VPS13D: variants seen among roughly 807,000 people sequenced by gnomAD.
The protein encoded by VPS13D is vacuolar protein sorting 13 homolog D.
Under a neutral mutation model 461.9 loss-of-function variants are expected in VPS13D, and 187 were observed. The ratio of observed to expected loss-of-function variants is 0.40; its 90% CI spans 0.36 to 0.46. The LOEUF (loss-of-function observed/expected upper bound fraction) is 0.46. Ranked by LOEUF, VPS13D falls within the 20% of genes least tolerant of loss-of-function variation. The pLI is 0.60. For missense variants in VPS13D, 4,711 were observed against 5,364.9 expected, an observed-to-expected ratio of 0.88 and a Z score of 3.81; for synonymous variants, 1,951 against 1,986.3, an observed-to-expected ratio of 0.98 and a Z score of 0.47.
chr1:12,271,137 C>G lies in VPS13D; in HGVS notation c.2103+13C>G, dbSNP rs534858498. 109 of 1,613,842 alleles carry G rather than the reference C, an allele frequency of 6.8e-5. 3 individuals are homozygous for G. In the South Asian group the frequency reaches 1.2e-3, roughly 17 times the overall value. On this transcript the variant is annotated intron_variant, in intron 17 of 69. Coordinates refer to ENST00000620676, the MANE Select transcript of VPS13D (RefSeq NM_015378.4). ...GGGTGATTTCATTGTAAGTGGGCAT[C>G]CATAAACACTCTTTGGGGATTGGGG...
At chr1:12,358,651 C>A in intron 50 of VPS13D, 50 bp downstream of exon 50, 1 of 1,599,982 alleles carries the variant, frequency 6.3e-7, no homozygotes, top group Non-Finnish European at 8.5e-7. Flanking sequence ...GGCCGATGAC[C>A]TCAGGCTTGG....
chr1:12,369,602 G>C lies in VPS13D; in HGVS notation c.10708G>C (p.Gly3570Arg). 6.2e-7 allele frequency: 1 copy of C among 1,614,164 alleles called. No individual in the cohort carries two copies. The highest frequency in any genetic ancestry group is 8.5e-7 in the Non-Finnish European group (1 of 1,180,032). The change falls in exon 54 of 70, where the codon GGG (glycine) becomes CGG (arginine). Residue 3570 changes from glycine to arginine, a missense_variant. By Grantham distance (125) the Gly-to-Arg change is moderately radical (BLOSUM62 -2). Transcript: ENST00000620676. ...PFITLTVKGAGSSEINCNMND... is the reference protein window; with the variant it reads ...PFITLTVKGARSSEINCNMND... Reference sequence around the variant, plus strand: ...TATCACTCTGACTGTTAAAGGGGCAGGGTCCTCTGAGATCAACTGCAACAT... The same window carrying C: ...TATCACTCTGACTGTTAAAGGGGCACGGTCCTCTGAGATCAACTGCAACAT...
intron 65 of VPS13D, among the ~76,000 whole-genome samples, chr1:12,432,065 G>T (rs1051110174): frequency 2.0e-5 from 3 of 152,134 alleles, no homozygotes; most frequent in African/African-American, 7.2e-5. Flanking sequence ...TATGTTGTTA[G>T]AATTGTCATC....
In VPS13D at chr1:12,276,828, T is replaced by C; in HGVS notation, c.3240T>C (p.Ile1080=). The change falls in exon 19 of 70, where the codon ATT becomes ATC. Residue 1080 remains isoleucine, a synonymous_variant. Coordinates refer to ENST00000620676, the MANE Select transcript of VPS13D (RefSeq NM_015378.4). The surrounding 1 kb of genome is among the most constrained non-coding windows in gnomAD (Gnocchi z 4.5). ...TTACCAAAGAGCAAGAGTCCCTTATTAAGTTGGAATATCAGTTTGTGAGTT... is the reference window on the plus strand; with the variant it reads ...TTACCAAAGAGCAAGAGTCCCTTATCAAGTTGGAATATCAGTTTGTGAGTT... ...KILTKEQESL[I]KLEYQFVSSE... 1.2e-6 allele frequency: 2 copies of C among 1,614,152 alleles called. No homozygotes were observed. The highest frequency in any genetic ancestry group is 1.7e-6 in the Non-Finnish European group (2 of 1,180,034).
Position 12,415,193 on chromosome 1 carries a change from T to A in VPS13D, c.12137T>A (p.Ile4046Asn). 6.2e-7 allele frequency: 1 copy of A among 1,614,140 alleles called. No homozygotes were observed. Among genetic ancestry groups the A allele is most frequent in the Non-Finnish European group, 8.5e-7 (1 of 1,179,980 alleles). Residue 4046 changes from isoleucine to asparagine, a missense_variant, in exon 64 of 70, where the codon ATC becomes AAC. By Grantham distance (149) the Ile-to-Asn change is moderately radical. This residue lies in a region of VPS13D where 4,411 missense variants were observed against 4,937.8 expected (regional missense o/e 0.89). Transcript: ENST00000620676. Reference protein sequence around the residue: ...VHPYETKEFIINDILKHFQEE... With the variant: ...VHPYETKEFINNDILKHFQEE... ...CCCTATGAGACCAAGGAGTTCATCATCAATGATATCCTCAAACATTTCCAG... is the reference window on the plus strand; with the variant it reads ...CCCTATGAGACCAAGGAGTTCATCAACAATGATATCCTCAAACATTTCCAG...
At chr1:12,354,604 C>T (rs1445173573) in intron 47 of VPS13D, among the ~76,000 whole-genome samples, 1 of 152,194 alleles carries the variant, frequency 6.6e-6, no homozygotes, top group Non-Finnish European at 1.5e-5. Context: ...AGAGGAGGCA[C>T]TCAACAGAGC....
chr1:12,264,718 G>T (rs1413829239), intron 13 of VPS13D, among the ~76,000 whole-genome samples: 1 of 152,254 alleles, frequency 6.6e-6, no homozygotes, highest in Non-Finnish European at 1.5e-5. Context: ...TAACATAAAA[G>T]TGCAAGGTGA....
intron 36 of VPS13D, among the ~76,000 whole-genome samples, chr1:12,328,643 C>T (rs973507737): frequency 2.0e-5 from 3 of 152,102 alleles, no homozygotes; most frequent in Admixed American, 6.5e-5. Context: ...TGGGTTCAAG[C>T]GATTCTTCTG....
chr1:12,370,051 G>T (rs1644095074), intron 54 of VPS13D, among the ~76,000 whole-genome samples: 1 of 152,068 alleles, frequency 6.6e-6, no homozygotes, highest in Non-Finnish European at 1.5e-5. Flanking sequence ...TCATCATTCT[G>T]ACTCTCCTCC....
At chr1:12,338,069 A>T in intron 39 of VPS13D, 162 bp from the exon 40 acceptor site, 1 of 568,550 alleles carries the variant, frequency 1.8e-6, no homozygotes. Flanking sequence ...TTTGTCAAGT[A>T]CATTCGTAGT....
chr1:12,450,214 G>T (rs1380867297), intron 65 of VPS13D, among the ~76,000 whole-genome samples: 1 of 152,162 alleles, frequency 6.6e-6, no homozygotes, highest in African/African-American at 2.4e-5. Flanking sequence ...TCTTCCACCA[G>T]CATGCGTGTT....
Position 12,288,324 on chromosome 1 carries a change from G to A in VPS13D, c.5725+11G>A, listed in dbSNP as rs752655187. 4.3e-6 allele frequency: 7 copies of A among 1,613,220 alleles called. No homozygotes were observed. The highest frequency in any genetic ancestry group is 8.5e-7 in the Non-Finnish European group (1 of 1,179,194). Reference sequence around the variant, plus strand: ...ACCTGGAAATGATTGGTAAGTGGTGGGGGGTGGAGGGAAGCAAACTTGCAA... The same window carrying A: ...ACCTGGAAATGATTGGTAAGTGGTGAGGGGTGGAGGGAAGCAAACTTGCAA... On this transcript the variant is annotated intron_variant, in intron 22 of 69. Transcript: ENST00000620676.
intron 67 of VPS13D, among the ~76,000 whole-genome samples, chr1:12,490,387 C>T (rs1007394310): frequency 3.9e-5 from 6 of 152,206 alleles, no homozygotes; most frequent in African/African-American, 1.4e-4. Flanking sequence ...CTCTTGAAAC[C>T]TTGGGGAAGA....
intron 65 of VPS13D, among the ~76,000 whole-genome samples, chr1:12,425,620 A>G (rs1336899450): frequency 6.6e-6 from 1 of 151,326 alleles, no homozygotes; most frequent in African/African-American, 2.4e-5. Flanking sequence ...ATTAACTCCT[A>G]CATGTCGAAT....
rs769998766 is a variant in VPS13D at position 12,416,722 on chromosome 1, G to A, written c.12228G>A (p.Gly4076=). ...GSVDFLGNPM[G]LLNDVSEGVT... is the part of the protein sequence containing the mutation. ...TGGATTTTCTTGGCAATCCTATGGG[G>A]CTTTTGAATGATGTTTCTGAAGGGG... is the stretch of plus-strand genomic sequence containing the variant. Residue 4076 remains glycine, a synonymous_variant, in exon 65 of 70, where the codon GGG becomes GGA. Coordinates refer to ENST00000620676, the MANE Select transcript of VPS13D (RefSeq NM_015378.4). 3.7e-6 allele frequency: 6 copies of A among 1,614,084 alleles called. No homozygotes were observed. Among genetic ancestry groups the A allele is most frequent in the Non-Finnish European group, 5.1e-6 (6 of 1,180,000 alleles).
intron 63 of VPS13D, 73 bp from the exon 64 acceptor site, chr1:12,415,014 G>A (rs1644776163): frequency 6.5e-7 from 1 of 1,541,720 alleles, no homozygotes. Context: ...AGCTTTAATG[G>A]AATCTAGAAT....
At chr1:12,400,914 A>G (rs560866998) in intron 61 of VPS13D, among the ~76,000 whole-genome samples, 2 of 150,272 alleles carry the variant, frequency 1.3e-5, no homozygotes, top group Admixed American at 6.6e-5. Flanking sequence ...CGATCACACC[A>G]CTGCACTCCA....
Position 12,456,636 on chromosome 1 carries a change from CAAAAAAA to C in VPS13D, c.12466+524_12466+530del, listed in dbSNP as rs367987300. ...CTGGCAACAGAGCAAGACTCCAATTCAAAAAAAAAAAAAAAAAAAAAAAAGAAAAGGC... is the reference window on the plus strand; with the variant it reads ...CTGGCAACAGAGCAAGACTCCAATTCAAAAAAAAAAAAAAAAAGAAAAGGC... On this transcript the variant is annotated intron_variant, in intron 66 of 69. Coordinates refer to ENST00000620676, the MANE Select transcript of VPS13D (RefSeq NM_015378.4). Among the ~76,000 whole-genome samples the C allele has an allele frequency of 1.1e-3, 89 of 83,658 alleles. 1 individual carries two copies. The East Asian group carries it at 0.025, about 23-fold the overall frequency. The allele number at this position is 83,658 out of a possible 152,430, so 54.9% of individuals were successfully genotyped here. A position where few individuals can be genotyped will look rare whatever the true frequency, so the allele number is the denominator to read the frequency against.
At chr1:12,308,682 G>C (rs1557699824) in intron 27 of VPS13D, 41 bp downstream of exon 27, 2 of 1,591,734 alleles carry the variant, frequency 1.3e-6, no homozygotes, top group Non-Finnish European at 8.6e-7. Context: ...GTCTCGCTCT[G>C]TTCACCAGGC....
Sources: gnomAD v4.1 joint callset for allele counts (sites outside exome capture counted in the v4.1 genomes callset) on GRCh38, gnomAD v4.1.1 for gene constraint, gnomAD v4.1.1 regional missense constraint, Gnocchi (gnomAD v3.1) non-coding constraint, MANE v1.5 for transcripts, NCBI Gene and HGNC (gene_info 2026-07-23, HGNC 2026-07-21) for gene names.